ANKRD44: variants seen among roughly 807,000 people sequenced by gnomAD.
ANKRD44 encodes the protein ankyrin repeat domain 44.
ANKRD44 carries 35 observed loss-of-function variants against 116.0 expected under a neutral mutation model. That is an observed-to-expected ratio of 0.30 (90% confidence interval 0.23 to 0.40). The LOEUF is 0.40. Ranked by LOEUF, ANKRD44 falls within the 10% of genes least tolerant of loss-of-function variation. The pLI is 1.00. For missense variants in ANKRD44, 1,014 were observed against 1,242.6 expected, an observed-to-expected ratio of 0.82 and a Z score of 2.77; for synonymous variants, 435 against 461.8, an observed-to-expected ratio of 0.94 and a Z score of 0.74.
At chr2:197,229,032 T>TCA (rs1323004985) in intron 1 of ANKRD44, among the ~76,000 whole-genome samples, 2 of 152,112 alleles carry the variant, frequency 1.3e-5, no homozygotes, top group Non-Finnish European at 2.9e-5. Flanking sequence ...TAAAAATCTA[T>TCA]CACACACACA....
chr2:196,987,548 T>G lies in ANKRD44; in HGVS notation c.*2043A>C. On this transcript the variant is annotated 3_prime_UTR_variant, in exon 28 of 28. Coordinates refer to ENST00000282272, the MANE Select transcript of ANKRD44 (RefSeq NM_001195144.2). ...AGTGCAGCAAATCCATTTGATGTTC[T>G]TGTTCTAATTTAATAACAAAATGAT... 4.1e-6 allele frequency: 4 copies of G among 985,464 alleles called. No homozygotes were observed. Among genetic ancestry groups the G allele is most frequent in the Non-Finnish European group, 4.8e-6 (4 of 829,928 alleles). 61.0% of individuals were successfully genotyped at this position (985,464 alleles called of 1,614,324 possible). A position where few individuals can be genotyped will look rare whatever the true frequency, so the allele number is the denominator to read the frequency against.
chr2:197,147,932 C>G (rs1459224734), intron 2 of ANKRD44: 1 of 453,548 alleles, frequency 2.2e-6, no homozygotes, highest in Non-Finnish European at 4.4e-6. Context: ...AAAATTTCCT[C>G]AAGATTCCAC....
At chr2:197,271,108 T>C (rs1195540410) in intron 1 of ANKRD44, among the ~76,000 whole-genome samples, 1 of 152,186 alleles carries the variant, frequency 6.6e-6, no homozygotes, top group Non-Finnish European at 1.5e-5. Flanking sequence ...GAGTCTTGCA[T>C]TTTCATGTTG....
At chr2:197,157,633 G>A (rs568926760) in intron 2 of ANKRD44, among the ~76,000 whole-genome samples, 3 of 140,214 alleles carry the variant, frequency 2.1e-5, no homozygotes, top group African/African-American at 5.2e-5. Context: ...AGCTGAGATC[G>A]TGCCACTGCA....
chr2:197,064,044 T>C (rs1047482745), intron 16 of ANKRD44, among the ~76,000 whole-genome samples: 1 of 152,140 alleles, frequency 6.6e-6, no homozygotes, highest in Non-Finnish European at 1.5e-5. Context: ...TTAAGGGCAG[T>C]CAGAGAGAAA....
intron 1 of ANKRD44, among the ~76,000 whole-genome samples, chr2:197,304,183 G>T (rs918905207): frequency 1.3e-5 from 2 of 152,134 alleles, no homozygotes; most frequent in Admixed American, 6.5e-5. Context: ...GTGCAAGCCT[G>T]TAATCCCAGC....
intron 10 of ANKRD44, among the ~76,000 whole-genome samples, chr2:197,093,918 A>G (rs970175988): frequency 3.9e-5 from 6 of 152,196 alleles, no homozygotes; most frequent in Admixed American, 3.3e-4. Flanking sequence ...GAGGAGACCA[A>G]TTTCGTTAAA....
chr2:197,118,183 A>C (rs941493910), intron 8 of ANKRD44, among the ~76,000 whole-genome samples: 1 of 151,866 alleles, frequency 6.6e-6, no homozygotes, highest in African/African-American at 2.4e-5. Context: ...ACTGCACTCC[A>C]ACCTAGGCAG....
intron 21 of ANKRD44, among the ~76,000 whole-genome samples, chr2:196,980,583 G>C (rs1024897885): frequency 6.6e-6 from 1 of 152,152 alleles, no homozygotes; most frequent in South Asian, 2.1e-4. Context: ...CAGAAGGCCC[G>C]CTGGGAAGTA....
At position 197,244,101 on chromosome 2, in the gene ANKRD44, C is replaced by T. The variant is rs541579123; in HGVS notation, c.28-56995G>A. On this transcript the variant is annotated intron_variant, in intron 1 of 27. Transcript: ENST00000282272. ...AAGTATCAAAACCAAATACTCCTCA[C>T]AACTGGGAGACCCATCTCAAAGCAC... is the stretch of plus-strand genomic sequence containing the variant. Among the ~76,000 whole-genome samples, 3 of 152,324 alleles carry T rather than the reference C, an allele frequency of 2.0e-5. No individual in the cohort carries two copies. In the South Asian group the frequency reaches 6.2e-4, roughly 32 times the overall value.
chr2:196,968,437 A>G (rs1479266496), intron 21 of ANKRD44, among the ~76,000 whole-genome samples: 1 of 152,206 alleles, frequency 6.6e-6, no homozygotes, highest in Non-Finnish European at 1.5e-5. Context: ...TGTATAATAC[A>G]GTGACTACCA....
intron 9 of ANKRD44, among the ~76,000 whole-genome samples, chr2:197,102,951 G>A (rs542932576): frequency 1.4e-4 from 21 of 151,890 alleles, no homozygotes; most frequent in African/African-American, 4.3e-4. Context: ...GGGGGGTGGC[G>A]GGGCGTGGTG....
At chr2:197,194,942 T>C (rs1469078240) in intron 1 of ANKRD44, among the ~76,000 whole-genome samples, 1 of 152,160 alleles carries the variant, frequency 6.6e-6, no homozygotes, top group Non-Finnish European at 1.5e-5. Flanking sequence ...TCTTTCATGT[T>C]GGAAAATAAT....
intron 27 of ANKRD44, among the ~76,000 whole-genome samples, chr2:196,992,376 G>A (rs1474112472): frequency 1.3e-5 from 2 of 152,154 alleles, no homozygotes; most frequent in Admixed American, 1.3e-4. Flanking sequence ...AGGAATTATG[G>A]TTGTACTGCT....
chr2:197,190,073 A>G (rs1015158303), intron 1 of ANKRD44, among the ~76,000 whole-genome samples: 1 of 152,158 alleles, frequency 6.6e-6, no homozygotes. Context: ...CTTTATAGAG[A>G]ATTGTCAAGG....
At chr2:197,283,505 T>C (rs527565265) in intron 1 of ANKRD44, among the ~76,000 whole-genome samples, 1 of 152,250 alleles carries the variant, frequency 6.6e-6, no homozygotes, top group Admixed American at 6.5e-5. Flanking sequence ...GCAATTCAAG[T>C]AAAAAATAGT....
chr2:197,061,328 G>A (rs894688552), intron 16 of ANKRD44, among the ~76,000 whole-genome samples: 4 of 152,280 alleles, frequency 2.6e-5, no homozygotes, highest in East Asian at 3.9e-4. Flanking sequence ...CTGAGTTGTC[G>A]GGTGGGGACT....
intron 1 of ANKRD44, among the ~76,000 whole-genome samples, chr2:197,252,389 A>AAT (rs201391834): frequency 0.011 from 1,647 of 145,160 alleles, 30 homozygotes; most frequent in African/African-American, 0.039. Context: ...TTGCATCCTG[A>AAT]ATATATATAT....
intron 6 of ANKRD44, among the ~76,000 whole-genome samples, chr2:197,125,154 C>A (rs1017088159): frequency 6.6e-6 from 1 of 152,368 alleles, no homozygotes; most frequent in African/African-American, 2.4e-5. Flanking sequence ...AGGCCCAAGC[C>A]ATGATTCATT....
Sources: allele counts gnomAD v4.1 joint callset (sites outside exome capture counted in the v4.1 genomes callset), GRCh38; gene constraint gnomAD v4.1.1; transcripts MANE v1.5; gene names NCBI Gene and HGNC (gene_info 2026-07-23, HGNC 2026-07-21).